CADPS2: variants seen among roughly 807,000 people sequenced by gnomAD.
CADPS2 encodes the protein calcium dependent secretion activator 2.
In CADPS2, 93 loss-of-function variants were observed where a neutral mutation model predicts 172.5. That is an observed-to-expected ratio of 0.54 (90% CI 0.46 to 0.64). The LOEUF is 0.64. Ranked by LOEUF, CADPS2 falls within the 30% of genes least tolerant of loss-of-function variation. The probability of loss-of-function intolerance (pLI) is 0.00; values close to 1 mark genes in which losing one functional copy is unlikely to be tolerated. For missense variants in CADPS2, 1,420 were observed against 1,565.9 expected (o/e 0.91, Z 1.57); for synonymous variants, 546 against 555.2 (o/e 0.98, Z 0.23).
At chr7:122,431,711 TAAG>T (rs2049935039) in intron 17 of CADPS2, among the ~76,000 whole-genome samples, 1 of 152,010 alleles carries the variant, frequency 6.6e-6, no homozygotes, top group African/African-American at 2.4e-5. Flanking sequence ...AGTATTGTCT[TAAG>T]AAGTAAATTG....
At chr7:122,337,793 A>G (rs1474080715) in intron 28 of CADPS2, among the ~76,000 whole-genome samples, 3 of 150,324 alleles carry the variant, frequency 2.0e-5, no homozygotes, top group African/African-American at 7.3e-5. Context: ...GCAGCTCTGT[A>G]TGGCATCTAC....
chr7:122,446,514 G>A (rs1169030833), intron 15 of CADPS2, among the ~76,000 whole-genome samples: 2 of 152,132 alleles, frequency 1.3e-5, no homozygotes, highest in Non-Finnish European at 2.9e-5. Context: ...ATACCCATGA[G>A]TTGGTTTTCC....
chr7:122,883,870 T>C (rs944809867), intron 1 of CADPS2, among the ~76,000 whole-genome samples: 1 of 152,250 alleles, frequency 6.6e-6, no homozygotes, highest in Non-Finnish European at 1.5e-5. Context: ...ATTTTGCTTT[T>C]TTTGTAGTTT....
At chr7:122,565,514 T>C (rs2066345206) in intron 7 of CADPS2, among the ~76,000 whole-genome samples, 1 of 152,186 alleles carries the variant, frequency 6.6e-6, no homozygotes, top group Admixed American at 6.6e-5. Flanking sequence ...CCAGAATTAA[T>C]GTCTTCAAAA....
At chr7:122,665,641 A>G (rs1344979161) in intron 2 of CADPS2, among the ~76,000 whole-genome samples, 3 of 152,322 alleles carry the variant, frequency 2.0e-5, no homozygotes, top group African/African-American at 7.2e-5. Flanking sequence ...TAATTTGTCA[A>G]ATATTATACT....
chr7:122,492,368 T>C (rs2058372270), intron 9 of CADPS2, among the ~76,000 whole-genome samples: 1 of 152,076 alleles, frequency 6.6e-6, no homozygotes, highest in African/African-American at 2.4e-5. Context: ...TCTTTTGGAA[T>C]TGGCCTCATT....
chr7:122,698,057 AAATCCAGGGGTC>A, intron 2 of CADPS2: 1 of 1,614,016 alleles, frequency 6.2e-7, no homozygotes, highest in African/African-American at 1.3e-5. Context: ...CCATGGGGTA[AAATCCAGGGGTC>A]AATGCAATTC....
At chr7:122,694,443 C>T (rs773401200) in intron 2 of CADPS2, among the ~76,000 whole-genome samples, 2 of 152,140 alleles carry the variant, frequency 1.3e-5, no homozygotes, top group Admixed American at 6.5e-5. Context: ...ATCAGAGTCA[C>T]CCTGGTCATC....
At chr7:122,365,827 T>C (rs1012809725) in intron 25 of CADPS2, among the ~76,000 whole-genome samples, 4 of 152,254 alleles carry the variant, frequency 2.6e-5, no homozygotes, top group Non-Finnish European at 5.9e-5. Context: ...CTTCAAGGCA[T>C]GTGCATTTAC....
At chr7:122,683,808 C>A (rs1161221355) in intron 2 of CADPS2, among the ~76,000 whole-genome samples, 1 of 151,982 alleles carries the variant, frequency 6.6e-6, no homozygotes, top group African/African-American at 2.4e-5. Context: ...CATGTTCTCC[C>A]CAAGTCTACA....
At position 122,319,970 on chromosome 7, in the gene CADPS2, C is replaced by CA; in HGVS notation, c.*194dup. The CA allele has an allele frequency of 2.3e-6, 1 of 431,184 alleles. No individual in the cohort carries two copies. The highest frequency in any genetic ancestry group is 3.8e-6 in the Non-Finnish European group (1 of 263,274). 26.7% of individuals were successfully genotyped at this position (431,184 alleles called of 1,614,324 possible). The stretch of plus-strand genomic sequence containing the variant: ...CCAAAAAAACAAACAAACAAACAAA[C>CA]AAAAAAAGGAAACAAAAAAACCCCA... On this transcript the variant is annotated 3_prime_UTR_variant, in exon 30 of 30. Coordinates refer to ENST00000449022, the MANE Select transcript of CADPS2 (RefSeq NM_017954.11).
intron 17 of CADPS2, among the ~76,000 whole-genome samples, chr7:122,437,801 GAAGA>G (rs201111180): frequency 0.01 from 1,358 of 133,460 alleles, 9 homozygotes; most frequent in Non-Finnish European, 0.014. Context: ...AATAAAGCCT[GAAGA>G]AAGAAAAAAA....
intron 2 of CADPS2, among the ~76,000 whole-genome samples, chr7:122,708,427 A>C (rs1486534133): frequency 7.0e-6 from 1 of 142,380 alleles, no homozygotes; most frequent in Non-Finnish European, 1.5e-5. Flanking sequence ...ATATATGTAC[A>C]CACAATATGT....
intron 14 of CADPS2, among the ~76,000 whole-genome samples, chr7:122,470,274 A>C (rs2055741888): frequency 6.6e-6 from 1 of 152,090 alleles, no homozygotes; most frequent in Admixed American, 6.5e-5. Flanking sequence ...TAAACAATGG[A>C]AATGTAAAAA....
At chr7:122,609,931 C>T (rs2074080042) in intron 6 of CADPS2, among the ~76,000 whole-genome samples, 1 of 152,084 alleles carries the variant, frequency 6.6e-6, no homozygotes, top group African/African-American at 2.4e-5. Flanking sequence ...AAGATGAGTT[C>T]AGGATGAAAG....
intron 2 of CADPS2, among the ~76,000 whole-genome samples, chr7:122,710,910 C>T (rs2088596962): frequency 6.6e-6 from 1 of 152,046 alleles, no homozygotes; most frequent in Non-Finnish European, 1.5e-5. Flanking sequence ...CTGTTTTCTC[C>T]CTTCTGTCTC....
At chr7:122,508,986 A>C (rs2059824688) in intron 9 of CADPS2, among the ~76,000 whole-genome samples, 1 of 152,166 alleles carries the variant, frequency 6.6e-6, no homozygotes, top group Non-Finnish European at 1.5e-5. Flanking sequence ...TAAAGCATAA[A>C]GCTATAAAGT....
At chr7:122,684,215 A>C (rs147256443) in intron 2 of CADPS2, among the ~76,000 whole-genome samples, 120 of 152,234 alleles carry the variant, frequency 7.9e-4, no homozygotes, top group Non-Finnish European at 1.5e-3. Flanking sequence ...GGTTAAATTG[A>C]TATCATTATA....
intron 4 of CADPS2, among the ~76,000 whole-genome samples, chr7:122,624,387 T>C (rs900730890): frequency 6.6e-6 from 1 of 152,168 alleles, no homozygotes; most frequent in Non-Finnish European, 1.5e-5. Flanking sequence ...TTTTTCTCAT[T>C]ATTCAAATAT....
Sources: gnomAD v4.1 joint callset for allele counts (sites outside exome capture counted in the v4.1 genomes callset) on GRCh38, gnomAD v4.1.1 for gene constraint, MANE v1.5 for transcripts, NCBI Gene and HGNC (gene_info 2026-07-23, HGNC 2026-07-21) for gene names.